RASSF3: variants seen among roughly 807,000 people sequenced by gnomAD.
RASSF3 encodes the protein Ras association domain family member 3, also known as ras association domain-containing protein 3.
A neutral mutation model predicts 19.9 loss-of-function variants in RASSF3; 19 were observed. The ratio of observed to expected loss-of-function variants is 0.96; its 90% CI spans 0.67 to 1.40. The LOEUF is 1.40. Ranked by LOEUF, RASSF3 falls within the 40% of genes most tolerant of loss-of-function variation. The pLI, the probability that RASSF3 is intolerant of heterozygous loss-of-function variation, is 0.00. For missense variants in RASSF3, 306 were observed against 289.8 expected (o/e 1.06, Z -0.41); for synonymous variants, 110 against 104.2 (o/e 1.06, Z -0.34).
chr12:64,572,764 A>C (rs1869540410), intron 2 of RASSF3, among the ~76,000 whole-genome samples: 1 of 152,256 alleles, frequency 6.6e-6, no homozygotes, highest in South Asian at 2.1e-4. Flanking sequence ...TTACATTTCC[A>C]ACTTGTCCAA....
At chr12:64,572,769 G>T (rs1869540460) in intron 2 of RASSF3, among the ~76,000 whole-genome samples, 1 of 152,166 alleles carries the variant, frequency 6.6e-6, no homozygotes, top group Non-Finnish European at 1.5e-5. Context: ...TTTCCAACTT[G>T]TCCAAGTCTA....
At chr12:64,588,047 G>C (rs1193637969) in intron 2 of RASSF3, among the ~76,000 whole-genome samples, 1 of 152,116 alleles carries the variant, frequency 6.6e-6, no homozygotes, top group Non-Finnish European at 1.5e-5. Flanking sequence ...GAATAAGAAG[G>C]AATAATATCA....
chr12:64,527,125 C>G (rs771183605), intron 1 of RASSF3, among the ~76,000 whole-genome samples: 7 of 152,194 alleles, frequency 4.6e-5, no homozygotes, highest in Non-Finnish European at 1.5e-5. Flanking sequence ...TAACAAGTTA[C>G]CCAGCTGAAG....
chr12:64,620,613 A>G (rs1020222444), intron 1 of RASSF3, among the ~76,000 whole-genome samples: 10 of 152,154 alleles, frequency 6.6e-5, no homozygotes, highest in African/African-American at 2.4e-4. Flanking sequence ...ATTGTATTTT[A>G]TTGAATTGGC....
intron 2 of RASSF3, among the ~76,000 whole-genome samples, chr12:64,591,539 G>T (rs1480452892): frequency 6.6e-6 from 1 of 151,590 alleles, no homozygotes; most frequent in African/African-American, 2.4e-5. Flanking sequence ...TTTAGCAGTT[G>T]TCAAGATTTT....
intron 1 of RASSF3, among the ~76,000 whole-genome samples, chr12:64,641,784 C>T (rs1478227188): frequency 6.6e-6 from 1 of 151,842 alleles, no homozygotes; most frequent in East Asian, 1.9e-4. Context: ...CCCTTGTTGC[C>T]CAGGCTAGAG....
chr12:64,592,883 T>A (rs1383791078), intron 2 of RASSF3, among the ~76,000 whole-genome samples: 1 of 152,098 alleles, frequency 6.6e-6, no homozygotes, highest in East Asian at 1.9e-4. Flanking sequence ...CTTCAAGTGA[T>A]CCTCCTTCCT....
At chr12:64,516,678 A>G (rs181954426) in intron 1 of RASSF3, among the ~76,000 whole-genome samples, 30 of 151,360 alleles carry the variant, frequency 2.0e-4, no homozygotes, top group African/African-American at 7.3e-4. Context: ...ATATATCAGG[A>G]AAACTAAAAA....
At chr12:64,680,517 G>A (rs1263536124) in intron 1 of RASSF3, among the ~76,000 whole-genome samples, 1 of 152,098 alleles carries the variant, frequency 6.6e-6, no homozygotes, top group East Asian at 1.9e-4. Context: ...AGGCCTTGGT[G>A]TATGATTGCT....
At chr12:64,528,918 C>A (rs78479861), upstream of RASSF3, among the ~76,000 whole-genome samples, 1 of 152,204 alleles carries the variant, frequency 6.6e-6, no homozygotes. Context: ...CCTCACCACT[C>A]GCAAACTTGA....
intron 1 of RASSF3, among the ~76,000 whole-genome samples, chr12:64,517,077 C>A (rs771953349): frequency 1.4e-5 from 2 of 146,722 alleles, no homozygotes; most frequent in Non-Finnish European, 3.0e-5. Context: ...AACTAGTATA[C>A]CATAACTAAT....
chr12:64,550,104 C>G (rs1869132812), intron 2 of RASSF3, among the ~76,000 whole-genome samples: 1 of 152,156 alleles, frequency 6.6e-6, no homozygotes, highest in Admixed American at 6.5e-5. Flanking sequence ...CCCCCACCCC[C>G]TTCCCACCTC....
At chr12:64,659,221 G>A (rs911397731) in intron 1 of RASSF3, among the ~76,000 whole-genome samples, 3 of 152,156 alleles carry the variant, frequency 2.0e-5, no homozygotes, top group African/African-American at 7.2e-5. Flanking sequence ...TCTTTACTTG[G>A]TGGGAGGAGG....
chr12:64,592,312 A>T (rs1020637610), intron 2 of RASSF3, among the ~76,000 whole-genome samples: 1 of 152,174 alleles, frequency 6.6e-6, no homozygotes, highest in Non-Finnish European at 1.5e-5. Flanking sequence ...ATATCAGTGT[A>T]CTGAGAGAGT....
chr12:64,514,638 C>T (rs1308083754), intron 1 of RASSF3, among the ~76,000 whole-genome samples: 1 of 152,130 alleles, frequency 6.6e-6, no homozygotes, highest in Non-Finnish European at 1.5e-5. Flanking sequence ...AGTTCTGCAC[C>T]TGGGTTGTAA....
chr12:64,532,454 T>A (rs1420315725), upstream of RASSF3, among the ~76,000 whole-genome samples: 1 of 152,168 alleles, frequency 6.6e-6, no homozygotes, highest in Admixed American at 6.6e-5. Context: ...ATCGAGAGAT[T>A]CTTTCAATGG....
At chr12:64,560,465 C>A (rs1456801874) in intron 2 of RASSF3, among the ~76,000 whole-genome samples, 1 of 152,218 alleles carries the variant, frequency 6.6e-6, no homozygotes, top group Non-Finnish European at 1.5e-5. Context: ...CATTCCCCCA[C>A]AACCATAGCT....
intron 1 of RASSF3, among the ~76,000 whole-genome samples, chr12:64,637,801 G>T (rs1871373378): frequency 6.6e-6 from 1 of 150,688 alleles, no homozygotes; most frequent in South Asian, 2.1e-4. Flanking sequence ...AAATTAGGAT[G>T]TTGCTTTGTG....
At chr12:64,635,530 A>G (rs930919330) in intron 1 of RASSF3, among the ~76,000 whole-genome samples, 1 of 152,232 alleles carries the variant, frequency 6.6e-6, no homozygotes, top group African/African-American at 2.4e-5. Flanking sequence ...CATTTATGGT[A>G]CACTTGCAAT....
Sources: gnomAD v4.1 joint callset for allele counts (sites outside exome capture counted in the v4.1 genomes callset) on GRCh38, gnomAD v4.1.1 for gene constraint, MANE v1.5 for transcripts, NCBI Gene and HGNC (gene_info 2026-07-23, HGNC 2026-07-21) for gene names.